ACOXL: variants seen among roughly 807,000 people sequenced by gnomAD.
ACOXL encodes acyl-coenzyme A oxidase-like protein.
Under a neutral mutation model 71.9 loss-of-function variants are expected in ACOXL, and 70 were observed. The ratio of observed to expected loss-of-function variants is 0.97; its 90% CI spans 0.80 to 1.19. The LOEUF (loss-of-function observed/expected upper bound fraction) is 1.19. Ranked by LOEUF, ACOXL falls within the 50% of genes most tolerant of loss-of-function variation. The pLI, the probability that ACOXL is intolerant of heterozygous loss-of-function variation, is 0.00. For missense variants in ACOXL, 703 were observed against 736.3 expected (o/e 0.95, Z 0.52); for synonymous variants, 253 against 281.6 (o/e 0.90, Z 1.02).
chr2:110,910,277 A>C (rs114375855), intron 11 of ACOXL, among the ~76,000 whole-genome samples: 1 of 152,340 alleles, frequency 6.6e-6, no homozygotes, highest in African/African-American at 2.4e-5. Flanking sequence ...TTCATTCAAC[A>C]GAAGGTCTTG....
chr2:110,860,537 A>G (rs769062155), intron 10 of ACOXL, among the ~76,000 whole-genome samples: 8 of 152,080 alleles, frequency 5.3e-5, no homozygotes, highest in African/African-American at 9.7e-5. Context: ...CGGAGTGGCC[A>G]CTCTGAGCCT....
chr2:110,983,144 C>G (rs1421055706), intron 12 of ACOXL, among the ~76,000 whole-genome samples: 2 of 152,162 alleles, frequency 1.3e-5, no homozygotes, highest in Non-Finnish European at 2.9e-5. Context: ...TCACATTTTT[C>G]TATTATAATT....
intron 16 of ACOXL, among the ~76,000 whole-genome samples, chr2:111,076,250 G>A (rs2067595181): frequency 1.3e-5 from 2 of 152,012 alleles, no homozygotes; most frequent in South Asian, 2.1e-4. Flanking sequence ...ATTCTGTCTG[G>A]TTTTTGCTTA....
intron 8 of ACOXL, among the ~76,000 whole-genome samples, chr2:110,803,821 A>G (rs953311272): frequency 1.6e-4 from 24 of 152,222 alleles, no homozygotes; most frequent in Admixed American, 3.9e-4. Flanking sequence ...CAGCTCAAGA[A>G]TAAAAAGACA....
intron 2 of ACOXL, among the ~76,000 whole-genome samples, chr2:110,776,795 G>A (rs527857037): frequency 8.7e-4 from 133 of 152,190 alleles, no homozygotes; most frequent in African/African-American, 3.2e-3. Flanking sequence ...GAGTGGAGCA[G>A]GACCTGTCTG....
At chr2:110,824,560 T>A (rs1688962136) in intron 9 of ACOXL, among the ~76,000 whole-genome samples, 1 of 152,216 alleles carries the variant, frequency 6.6e-6, no homozygotes, top group Non-Finnish European at 1.5e-5. Context: ...TAATGTCTTT[T>A]CAAGCTCACT....
At chr2:110,905,388 A>G (rs1210550281) in intron 10 of ACOXL, among the ~76,000 whole-genome samples, 1 of 152,132 alleles carries the variant, frequency 6.6e-6, no homozygotes, top group African/African-American at 2.4e-5. Context: ...AGTGGGAGAA[A>G]AGGCTGGAAC....
Position 110,857,639 on chromosome 2 carries a change from A to C in ACOXL, c.788+16234A>C, listed in dbSNP as rs553655724. ...TTTCTACAATTATCAACATTTTGACAGTTTTAGTTCACCCTATCCTCCCTT... is the reference window on the plus strand; with the variant it reads ...TTTCTACAATTATCAACATTTTGACCGTTTTAGTTCACCCTATCCTCCCTT... On this transcript the variant is annotated intron_variant, in intron 10 of 17. Coordinates refer to ENST00000439055, the MANE Select transcript of ACOXL (RefSeq NM_001142807.4). Among the ~76,000 whole-genome samples the C allele has an allele frequency of 2.6e-5, 4 of 152,286 alleles. No homozygotes were observed. The South Asian group carries it at 8.3e-4, about 32-fold the overall frequency.
intron 10 of ACOXL, among the ~76,000 whole-genome samples, chr2:110,902,560 G>A (rs1322432627): frequency 6.6e-6 from 1 of 152,198 alleles, no homozygotes; most frequent in Non-Finnish European, 1.5e-5. Context: ...TGATCCCAAG[G>A]TGGAGGGTGG....
chr2:110,768,677 AGT>A (rs1411954225), intron 2 of ACOXL, among the ~76,000 whole-genome samples: 1 of 152,082 alleles, frequency 6.6e-6, no homozygotes, highest in Non-Finnish European at 1.5e-5. Context: ...CACGATAGGT[AGT>A]TTTTTGACCC....
chr2:111,114,665 T>C (rs936705535), intron 17 of ACOXL, among the ~76,000 whole-genome samples: 2 of 152,044 alleles, frequency 1.3e-5, no homozygotes, highest in African/African-American at 2.4e-5. Flanking sequence ...ACCCTGAACA[T>C]CTATTATAGG....
intron 10 of ACOXL, among the ~76,000 whole-genome samples, chr2:110,863,307 T>C (rs1280276313): frequency 6.6e-6 from 1 of 152,238 alleles, no homozygotes; most frequent in African/African-American, 2.4e-5. Flanking sequence ...GCTCATGATA[T>C]AATGTTGAGT....
chr2:110,827,746 G>T (rs1225064404), intron 9 of ACOXL, among the ~76,000 whole-genome samples: 4 of 152,080 alleles, frequency 2.6e-5, no homozygotes, highest in Admixed American at 6.5e-5. Context: ...AAGGTGGTTG[G>T]GCATGGGGTG....
At chr2:111,064,882 A>G (rs920684140) in intron 16 of ACOXL, among the ~76,000 whole-genome samples, 2 of 152,216 alleles carry the variant, frequency 1.3e-5, no homozygotes, top group South Asian at 2.1e-4. Flanking sequence ...GGAGAGATAT[A>G]CCATATTCAT....
chr2:110,859,475 A>C (rs977170939), intron 10 of ACOXL, among the ~76,000 whole-genome samples: 21 of 152,210 alleles, frequency 1.4e-4, no homozygotes, highest in African/African-American at 5.1e-4. Flanking sequence ...TATTCATCAG[A>C]ACACTATGAA....
chr2:111,006,275 T>C (rs1353693966), intron 14 of ACOXL, among the ~76,000 whole-genome samples: 1 of 152,226 alleles, frequency 6.6e-6, no homozygotes, highest in African/African-American at 2.4e-5. Context: ...TTGAAAGTCC[T>C]GTACAGGGGA....
At chr2:110,768,085 T>C (rs1045844234) in intron 1 of ACOXL, among the ~76,000 whole-genome samples, 2 of 151,934 alleles carry the variant, frequency 1.3e-5, no homozygotes, top group African/African-American at 2.4e-5. Flanking sequence ...TGAGCCGAGA[T>C]TGCACTGCTG....
chr2:110,987,348 C>A (rs2149552154), intron 13 of ACOXL, 131 bp downstream of exon 13: 1 of 768,184 alleles, frequency 1.3e-6, no homozygotes, highest in Non-Finnish European at 2.1e-6. Flanking sequence ...ATCTGTGAAT[C>A]TGTAAAATGA....
At chr2:110,971,884 A>G (rs76152237) in intron 12 of ACOXL, among the ~76,000 whole-genome samples, 1,820 of 152,298 alleles carry the variant, frequency 0.012, 10 homozygotes, top group Non-Finnish European at 0.017. Context: ...TTGTGATCCA[A>G]GTGAGGTTTT....
Sources: allele counts gnomAD v4.1 joint callset (sites outside exome capture counted in the v4.1 genomes callset), GRCh38; gene constraint gnomAD v4.1.1; transcripts MANE v1.5; gene names NCBI Gene and HGNC (gene_info 2026-07-23, HGNC 2026-07-21).